JMJD1C: variants seen among roughly 807,000 people sequenced by gnomAD.
JMJD1C encodes jumonji domain containing 1C.
In JMJD1C, 31 loss-of-function variants were observed where a neutral mutation model predicts 245.3. The ratio of observed to expected loss-of-function variants is 0.13; its 90% CI spans 0.09 to 0.17. The LOEUF (loss-of-function observed/expected upper bound fraction) is 0.17. Among genes scored for constraint, JMJD1C ranks in the 10% least tolerant of loss-of-function variants. The pLI, the probability that JMJD1C is intolerant of heterozygous loss-of-function variation, is 1.00. For missense variants in JMJD1C, 2,691 were observed against 3,000.2 expected, an observed-to-expected ratio of 0.90 and a Z score of 2.41; for synonymous variants, 1,057 against 1,017.4, an observed-to-expected ratio of 1.04 and a Z score of -0.74.
At chr10:63,297,226 A>G (rs1188882817) in intron 2 of JMJD1C, among the ~76,000 whole-genome samples, 2 of 152,222 alleles carry the variant, frequency 1.3e-5, no homozygotes, top group Non-Finnish European at 1.5e-5. Context: ...AGTTCTGGGT[A>G]GAGTCTCCAA....
At chr10:63,470,601 T>C (rs1276944702), upstream of JMJD1C, among the ~76,000 whole-genome samples, 1 of 152,210 alleles carries the variant, frequency 6.6e-6, no homozygotes, top group Non-Finnish European at 1.5e-5. Flanking sequence ...AATGATCCTA[T>C]GAGTGTATAT....
At chr10:63,378,911 T>A (rs1272113302) in intron 2 of JMJD1C, among the ~76,000 whole-genome samples, 1 of 152,160 alleles carries the variant, frequency 6.6e-6, no homozygotes, top group Non-Finnish European at 1.5e-5. Flanking sequence ...TCTTCTTTAG[T>A]TTGCTATGCA....
chr10:63,444,234 A>G (rs897769994), intron 1 of JMJD1C, among the ~76,000 whole-genome samples: 2 of 152,184 alleles, frequency 1.3e-5, no homozygotes, highest in African/African-American at 4.8e-5. Flanking sequence ...CAAAGAATTA[A>G]AGATAAATTT....
At chr10:63,231,562 G>C (rs531970197) in intron 3 of JMJD1C, among the ~76,000 whole-genome samples, 1 of 152,086 alleles carries the variant, frequency 6.6e-6, no homozygotes, top group Non-Finnish European at 1.5e-5. Flanking sequence ...GGGAGGCCAC[G>C]GCGGGCAGAT....
chr10:63,406,134 T>G (rs55718304), intron 1 of JMJD1C, among the ~76,000 whole-genome samples: 2,028 of 152,228 alleles, frequency 0.013, 31 homozygotes, highest in African/African-American at 0.034. Flanking sequence ...TACTCACACC[T>G]CCTGCTTTGT....
intron 3 of JMJD1C, among the ~76,000 whole-genome samples, chr10:63,228,420 G>A (rs950438727): frequency 3.3e-5 from 5 of 152,064 alleles, no homozygotes; most frequent in African/African-American, 1.2e-4. Context: ...AGGAGGCTGA[G>A]GTGGGAGGAT....
intron 8 of JMJD1C, among the ~76,000 whole-genome samples, chr10:63,212,741 T>TA (rs1403911020): frequency 1.3e-5 from 2 of 152,134 alleles, no homozygotes; most frequent in South Asian, 4.1e-4. Flanking sequence ...AACAATTTGA[T>TA]AATATATATC....
intron 1 of JMJD1C, among the ~76,000 whole-genome samples, chr10:63,457,156 GT>G (rs1358182964): frequency 6.6e-6 from 1 of 152,102 alleles, no homozygotes; most frequent in African/African-American, 2.4e-5. Context: ...AGTAAGGAAG[GT>G]TTTGAGCAAG....
At chr10:63,184,113 G>A (rs529806992) in intron 21 of JMJD1C, among the ~76,000 whole-genome samples, 1 of 151,770 alleles carries the variant, frequency 6.6e-6, no homozygotes, top group Non-Finnish European at 1.5e-5. Context: ...TTTTAGTAGA[G>A]ATGGGGTTTC....
intron 1 of JMJD1C, among the ~76,000 whole-genome samples, chr10:63,425,663 T>G (rs889143572): frequency 1.3e-5 from 2 of 152,084 alleles, no homozygotes; most frequent in Non-Finnish European, 2.9e-5. Flanking sequence ...CACACCTGTA[T>G]CCCAGCTACT....
intron 1 of JMJD1C, among the ~76,000 whole-genome samples, chr10:63,425,685 G>A (rs1776459735): frequency 6.6e-6 from 1 of 152,156 alleles, no homozygotes; most frequent in Admixed American, 6.5e-5. Context: ...GGGAGGCTAA[G>A]GTGGGAGGAC....
chr10:63,324,859 A>G lies in JMJD1C; in HGVS notation c.333+55459T>C, dbSNP rs143308830. On this transcript the variant is annotated intron_variant, in intron 2 of 25. Coordinates refer to ENST00000399262, the MANE Select transcript of JMJD1C (RefSeq NM_032776.3). ...ATTTAATAGAAAAGACAGAACTTGA[A>G]CTAGGCTTTCAGCTAGATTTTGAGT... is the stretch of plus-strand genomic sequence containing the variant. Among the ~76,000 whole-genome samples the G allele has an allele frequency of 6.4e-3, 975 of 152,322 alleles. 4 individuals are homozygous for G. Among genetic ancestry groups the G allele is most frequent in the Non-Finnish European group, 9.5e-3 (647 of 68,024 alleles).
intron 1 of JMJD1C, among the ~76,000 whole-genome samples, chr10:63,386,440 G>A (rs1022265065): frequency 6.6e-6 from 1 of 152,194 alleles, no homozygotes; most frequent in Non-Finnish European, 1.5e-5. Flanking sequence ...CACCCCTGTT[G>A]ACCACAGCCA....
Position 63,465,851 on chromosome 10 carries a change from T to C in JMJD1C, c.-189A>G. 1 of 702,240 alleles carries C rather than the reference T, an allele frequency of 1.4e-6. No homozygotes were observed. Among genetic ancestry groups the C allele is most frequent in the Non-Finnish European group, 2.6e-6 (1 of 388,726 alleles). 43.5% of individuals were successfully genotyped at this position (702,240 alleles called of 1,614,324 possible). The stretch of plus-strand genomic sequence containing the variant: ...GACCTCGGGCCCTCCCCGCAAACAC[T>C]CCTTTGGACTCCCAGATTCGCAGCC... On this transcript the variant is annotated 5_prime_UTR_variant, in exon 1 of 26. Coordinates refer to ENST00000399262, the MANE Select transcript of JMJD1C (RefSeq NM_032776.3).
intron 1 of JMJD1C, among the ~76,000 whole-genome samples, chr10:63,450,123 A>G (rs1184977762): frequency 6.6e-6 from 1 of 152,140 alleles, no homozygotes; most frequent in Non-Finnish European, 1.5e-5. Context: ...AAAAAACAAA[A>G]AACAAAAAAA....
chr10:63,510,700 AC>A (rs1448991316), intron 1 of JMJD1C, among the ~76,000 whole-genome samples: 2 of 152,190 alleles, frequency 1.3e-5, no homozygotes, highest in African/African-American at 4.8e-5. Context: ...TGTCAATTAT[AC>A]CCAGTTGATT....
rs140023097 is a variant in JMJD1C, at chr10:63,303,903, A to G, written c.334-39139T>C. ...TATCATTAATATTTCCAGATACTCT[A>G]AATTCATACTAAGAGTTTTTCTGAT... On this transcript the variant is annotated intron_variant, in intron 2 of 25. Coordinates refer to ENST00000399262, the MANE Select transcript of JMJD1C (RefSeq NM_032776.3). 1.7e-3 allele frequency among the ~76,000 whole-genome samples: 261 copies of G among 152,314 alleles called. 2 individuals are homozygous for G. The highest frequency in any genetic ancestry group is 6.1e-3 in the African/African-American group (253 of 41,566).
In JMJD1C at chr10:63,325,488, C is replaced by G. The variant is rs1386819393; in HGVS notation, c.333+54830G>C. 2.0e-5 allele frequency among the ~76,000 whole-genome samples: 3 copies of G among 152,138 alleles called. No homozygotes were observed. The East Asian group carries it at 5.8e-4, about 29-fold the overall frequency. On this transcript the variant is annotated intron_variant, in intron 2 of 25. Coordinates refer to ENST00000399262, the MANE Select transcript of JMJD1C (RefSeq NM_032776.3). Reference sequence around the variant, plus strand: ...TCTGGAGTAGCTGAGACCACAGGCACACACCACCCACCCAGCTAATTCCTC... The same window carrying G: ...TCTGGAGTAGCTGAGACCACAGGCAGACACCACCCACCCAGCTAATTCCTC...
intron 1 of JMJD1C, among the ~76,000 whole-genome samples, chr10:63,398,801 C>T (rs150873236): frequency 2.6e-5 from 4 of 152,284 alleles, no homozygotes; most frequent in African/African-American, 9.6e-5. Context: ...TGTGCCATCA[C>T]ATCCAGCTAA....
Sources: allele counts gnomAD v4.1 joint callset (sites outside exome capture counted in the v4.1 genomes callset), GRCh38; gene constraint gnomAD v4.1.1; transcripts MANE v1.5; gene names NCBI Gene and HGNC (gene_info 2026-07-23, HGNC 2026-07-21).